The following DGKG variants were observed in gnomAD, a reference collection of about 807,000 sequenced individuals.
DGKG encodes diacylglycerol kinase gamma, also known as DAG kinase gamma.
Under a neutral mutation model 105.3 loss-of-function variants are expected in DGKG, and 78 were observed. The ratio of observed to expected loss-of-function variants is 0.74; its 90% CI spans 0.62 to 0.89. The LOEUF (loss-of-function observed/expected upper bound fraction) is 0.89, where lower values mean the gene tolerates loss of function less well. Among genes scored for constraint, DGKG ranks in the 40% least tolerant of loss-of-function variants. DGKG has a pLI of 0.00. For missense variants in DGKG, 958 were observed against 1,020.1 expected, an observed-to-expected ratio of 0.94 and a Z score of 0.83; for synonymous variants, 346 against 367.1, an observed-to-expected ratio of 0.94 and a Z score of 0.66.
At chr3:186,308,505 G>T (rs950046746) in intron 2 of DGKG, among the ~76,000 whole-genome samples, 2 of 152,136 alleles carry the variant, frequency 1.3e-5, no homozygotes, top group Non-Finnish European at 2.9e-5. Flanking sequence ...TGTACAGAGG[G>T]TTAATGTCTC....
At chr3:186,200,880 C>T (rs1413418611) in intron 21 of DGKG, among the ~76,000 whole-genome samples, 2 of 152,228 alleles carry the variant, frequency 1.3e-5, no homozygotes, top group Admixed American at 6.5e-5. Context: ...CCTCTTTAGC[C>T]CTCCTCTGTT....
At chr3:186,240,074 T>C (rs780076541) in intron 20 of DGKG, among the ~76,000 whole-genome samples, 10 of 152,176 alleles carry the variant, frequency 6.6e-5, no homozygotes, top group Non-Finnish European at 1.5e-4. Flanking sequence ...ATGTTTGGTT[T>C]CTTTCCTCTG....
chr3:186,188,499 C>T, intron 21 of DGKG, 120 bp from the exon 22 acceptor site: 2 of 966,656 alleles, frequency 2.1e-6, no homozygotes, highest in Non-Finnish European at 3.0e-6. Flanking sequence ...GACAGGTCCT[C>T]AGCCACCACC....
chr3:186,278,974 G>A (rs9835192), intron 9 of DGKG, among the ~76,000 whole-genome samples: 3,827 of 152,232 alleles, frequency 0.025, 156 homozygotes, highest in African/African-American at 0.087. Flanking sequence ...GTAAATAGGT[G>A]GAGAATACAG....
chr3:186,279,053 C>T (rs1318299430), intron 9 of DGKG: 1 of 152,244 alleles, frequency 6.6e-6, no homozygotes, highest in East Asian at 1.9e-4. Flanking sequence ...ATGCCCTACT[C>T]TGATCAAATG....
chr3:186,357,511 A>C (rs1329005648), intron 1 of DGKG, among the ~76,000 whole-genome samples: 1 of 152,242 alleles, frequency 6.6e-6, no homozygotes, highest in African/African-American at 2.4e-5. Flanking sequence ...GACCATAGGC[A>C]AATTACTGAA....
At chr3:186,351,817 G>A (rs16860733) in intron 1 of DGKG, among the ~76,000 whole-genome samples, 8,091 of 152,280 alleles carry the variant, frequency 0.053, 720 homozygotes, top group African/African-American at 0.18. Flanking sequence ...ATCCAGTTTC[G>A]GTTCTGACAC....
chr3:186,237,843 A>G (rs1027567124), intron 20 of DGKG, among the ~76,000 whole-genome samples: 3 of 152,200 alleles, frequency 2.0e-5, no homozygotes, highest in African/African-American at 7.2e-5. Flanking sequence ...TTATCTGTAA[A>G]TGGGAATGCT....
At chr3:186,310,265 C>T (rs1385427498) in intron 2 of DGKG, among the ~76,000 whole-genome samples, 1 of 33,290 alleles carries the variant, frequency 3.0e-5, no homozygotes, top group African/African-American at 9.0e-5. Flanking sequence ...GACTCCGTCT[C>T]AAAAAAAAAA....
intron 20 of DGKG, among the ~76,000 whole-genome samples, chr3:186,229,376 G>A (rs1466129805): frequency 6.6e-6 from 1 of 152,028 alleles, no homozygotes; most frequent in Non-Finnish European, 1.5e-5. Flanking sequence ...AAGTAGCTGG[G>A]ATTACAGGTG....
At chr3:186,257,815 T>C (rs1721556731) in intron 17 of DGKG, 39 bp downstream of exon 17, 1 of 1,503,762 alleles carries the variant, frequency 6.6e-7, no homozygotes, top group African/African-American at 1.4e-5. Context: ...ATACGCTTAC[T>C]ATAAATAAGC....
chr3:186,196,625 C>T (rs899034069), intron 21 of DGKG, among the ~76,000 whole-genome samples: 14 of 152,068 alleles, frequency 9.2e-5, no homozygotes, highest in South Asian at 4.2e-4. Flanking sequence ...TTGTTTGGAC[C>T]GACAACCAAG....
At chr3:186,327,624 G>A (rs1180400673) in intron 1 of DGKG, among the ~76,000 whole-genome samples, 2 of 151,566 alleles carry the variant, frequency 1.3e-5, no homozygotes, top group Non-Finnish European at 2.9e-5. Flanking sequence ...TGTTGCCCAG[G>A]CTGATCTCGA....
chr3:186,357,892 T>C (rs2108680908), intron 1 of DGKG, among the ~76,000 whole-genome samples: 1 of 152,380 alleles, frequency 6.6e-6, no homozygotes, highest in East Asian at 1.9e-4. Context: ...AGAAATCACA[T>C]GCTGCATGTA....
chr3:186,201,117 C>T (rs1442016997), intron 21 of DGKG, among the ~76,000 whole-genome samples: 1 of 152,052 alleles, frequency 6.6e-6, no homozygotes, highest in Non-Finnish European at 1.5e-5. Context: ...GTTTCCTATC[C>T]ACTGCTCCAC....
chr3:186,280,647 A>T, intron 8 of DGKG, 23 bp downstream of exon 8: 1 of 1,602,520 alleles, frequency 6.2e-7, no homozygotes, highest in African/African-American at 1.3e-5. Context: ...CTCCAAAGCC[A>T]CCCCATCCTT....
chr3:186,325,383 C>T (rs923130972), intron 1 of DGKG, among the ~76,000 whole-genome samples: 2 of 152,004 alleles, frequency 1.3e-5, no homozygotes, highest in African/African-American at 2.4e-5. Context: ...GCCCCTGTAC[C>T]CCCTGAATAA....
intron 1 of DGKG, among the ~76,000 whole-genome samples, chr3:186,330,999 T>C (rs1346996035): frequency 6.6e-6 from 1 of 152,244 alleles, no homozygotes; most frequent in Admixed American, 6.5e-5. Flanking sequence ...AGAATCTGCA[T>C]GATTCATGCT....
chr3:186,209,610 G>C (rs1182295492), intron 21 of DGKG, among the ~76,000 whole-genome samples: 5 of 152,098 alleles, frequency 3.3e-5, no homozygotes, highest in African/African-American at 1.2e-4. Flanking sequence ...GGTTCTCAAA[G>C]GCCTGGCCTG....
Sources: allele counts gnomAD v4.1 joint callset (sites outside exome capture counted in the v4.1 genomes callset), GRCh38; gene constraint gnomAD v4.1.1; transcripts MANE v1.5; gene names NCBI Gene and HGNC (gene_info 2026-07-23, HGNC 2026-07-21).